The following WDR44 variants were observed in gnomAD, a reference collection of about 807,000 sequenced individuals.
WDR44 encodes WD repeat domain 44.
WDR44 carries 9 observed loss-of-function variants against 65.7 expected under a neutral mutation model. The ratio of observed to expected loss-of-function variants is 0.14; its 90% CI spans 0.08 to 0.24. The LOEUF (loss-of-function observed/expected upper bound fraction) is 0.24. WDR44 is among the 10% of genes least tolerant of loss of function. The probability of loss-of-function intolerance (pLI) is 1.00; values close to 1 mark genes in which losing one functional copy is unlikely to be tolerated. For missense variants in WDR44, 425 were observed against 670.9 expected (o/e 0.63, Z 4.05); for synonymous variants, 220 against 235.2 (o/e 0.94, Z 0.59).
chrX:118,368,425 G>C (rs1278646876), intron 1 of WDR44, among the ~76,000 whole-genome samples: 1 of 97,154 alleles, frequency 1.0e-5, no homozygotes, highest in Non-Finnish European at 2.0e-5. Context: ...CCAGAACAGT[G>C]TTTTGAAGCC....
In WDR44 at chrX:118,428,126, A is replaced by G. The variant is rs186855759; in HGVS notation, c.1738-4655A>G. Among the ~76,000 whole-genome samples the G allele has an allele frequency of 4.5e-3, 490 of 109,585 alleles. 3 individuals are homozygous for G. The highest frequency in any genetic ancestry group is 6.2e-3 in the Non-Finnish European group (326 of 52,494). On this transcript the variant is annotated intron_variant, in intron 12 of 19. Coordinates refer to ENST00000254029, the MANE Select transcript of WDR44 (RefSeq NM_019045.5). ...AACATGGTGAAATCCCATCTCTACT[A>G]AAAATACAAAAAGTAGCCAGGTATG...
chrX:118,441,298 G>A, intron 14 of WDR44, 70 bp from the exon 15 acceptor site: 3 of 985,619 alleles, frequency 3.0e-6, no homozygotes, highest in Non-Finnish European at 4.2e-6. Context: ...TAGACTTACT[G>A]ATTTGATTTG....
At chrX:118,412,094 A>T (rs1042387670) in intron 12 of WDR44, among the ~76,000 whole-genome samples, 6 of 112,244 alleles carry the variant, frequency 5.3e-5, no homozygotes, top group Admixed American at 4.7e-4. Context: ...AGTGTTAGGA[A>T]TAGTTTCCTG....
intron 1 of WDR44, among the ~76,000 whole-genome samples, chrX:118,358,796 G>A (rs1011057233): frequency 8.9e-6 from 1 of 111,904 alleles, no homozygotes; most frequent in Non-Finnish European, 1.9e-5. Flanking sequence ...AATATGGCCA[G>A]GCATGGTGTA....
At chrX:118,380,360 G>A (rs192463408) in intron 2 of WDR44, among the ~76,000 whole-genome samples, 4 of 111,551 alleles carry the variant, frequency 3.6e-5, no homozygotes, top group East Asian at 2.8e-4. Flanking sequence ...AAAGATCTCC[G>A]TTGTGCTACC....
At chrX:118,362,381 G>A (rs1931427663) in intron 1 of WDR44, among the ~76,000 whole-genome samples, 1 of 111,503 alleles carries the variant, frequency 9.0e-6, no homozygotes, top group African/African-American at 3.3e-5. Context: ...ACCTCATTTT[G>A]AACATGTTGA....
intron 1 of WDR44, among the ~76,000 whole-genome samples, chrX:118,375,187 T>C (rs1474111198): frequency 3.6e-5 from 4 of 110,956 alleles, no homozygotes; most frequent in Non-Finnish European, 7.6e-5. Flanking sequence ...TTTTTTTTTG[T>C]TTGTTTATTT....
At position 118,409,626 on chromosome X, in the gene WDR44, A is replaced by G. The variant is rs187322127; in HGVS notation, c.1671A>G (p.Glu557=). 8.5e-7 allele frequency: 1 copy of G among 1,179,848 alleles called. No homozygotes were observed. The highest frequency in any genetic ancestry group is 1.1e-6 in the Non-Finnish European group (1 of 882,559). The change falls in exon 11 of 20, where the codon GAA becomes GAG. Residue 557 remains glutamate, a splice_region_variant and synonymous_variant. Coordinates refer to ENST00000254029, the MANE Select transcript of WDR44 (RefSeq NM_019045.5). ...FNNMRMKYNT[E]GRVSPSPSQE... Reference sequence around the variant, plus strand: ...ATATGCGAATGAAATACAATACTGAAGGTATTTTTCATCTATTTAAAAATC... The same window carrying G: ...ATATGCGAATGAAATACAATACTGAGGGTATTTTTCATCTATTTAAAAATC...
chrX:118,407,086 C>A (rs1427175585), intron 10 of WDR44, 60 bp downstream of exon 10: 1 of 1,103,317 alleles, frequency 9.1e-7, no homozygotes, highest in South Asian at 2.2e-5. Flanking sequence ...AATACTTTGG[C>A]TTCTACAAAA....
chrX:118,374,055 A>G (rs948127842), intron 1 of WDR44, among the ~76,000 whole-genome samples: 1 of 110,459 alleles, frequency 9.1e-6, no homozygotes, highest in East Asian at 2.8e-4. Flanking sequence ...CGTCATCTAC[A>G]TTAGGTATTT....
In WDR44 at chrX:118,394,036, G is replaced by A. The variant is rs2056844623; in HGVS notation, c.827-19G>A. ...AACAAAAAGGGTTGTTATTATTGTT[G>A]TTATTATTATCATTGCAGTTCCCAA... On this transcript the variant is annotated intron_variant, in intron 4 of 19. Coordinates refer to ENST00000254029, the MANE Select transcript of WDR44 (RefSeq NM_019045.5). 8.4e-7 allele frequency: 1 copy of A among 1,193,815 alleles called. No homozygotes were observed. The highest frequency in any genetic ancestry group is 1.1e-6 in the Non-Finnish European group (1 of 881,192).
intron 8 of WDR44, among the ~76,000 whole-genome samples, chrX:118,399,692 CT>C (rs1474669557): frequency 5.4e-5 from 6 of 111,714 alleles, no homozygotes; most frequent in Non-Finnish European, 1.1e-4. Context: ...TTTTAAAACT[CT>C]GTTCAGTGTC....
intron 6 of WDR44, 126 bp downstream of exon 6, chrX:118,395,470 C>A: frequency 2.1e-6 from 1 of 479,835 alleles, no homozygotes. Flanking sequence ...TACTTAATGA[C>A]CCAGAACTAT....
At chrX:118,406,762 A>G in intron 9 of WDR44, 113 bp from the exon 10 acceptor site, 3 of 735,186 alleles carry the variant, frequency 4.1e-6, no homozygotes, top group Middle Eastern at 5.0e-4. Context: ...TATATAATAA[A>G]TAAATTTTGC....
chrX:118,386,360 A>T (rs1256395363), intron 2 of WDR44: 3 of 358,859 alleles, frequency 8.4e-6, no homozygotes, highest in Non-Finnish European at 1.6e-5. Flanking sequence ...TTTTACCCTA[A>T]TTTTTTCCAG....
Position 118,442,273 on chromosome X carries a change from C to T in WDR44, c.2196C>T (p.Val732=). Residue 732 remains valine, a synonymous_variant, in exon 16 of 20, where the codon GTC becomes GTT. Transcript: ENST00000254029. Reference sequence around the variant, plus strand: ...TGAAATACCATACACAAATACATGTCCGATCTACTAGAGGGCGCAACAAGG... The same window carrying T: ...TGAAATACCATACACAAATACATGTTCGATCTACTAGAGGGCGCAACAAGG... The part of the protein sequence containing the change: ...EHLKYHTQIH[V]RSTRGRNKVG... 1 of 1,209,634 alleles carries T rather than the reference C, an allele frequency of 8.3e-7. No homozygotes were observed. Among genetic ancestry groups the T allele is most frequent in the Non-Finnish European group, 1.1e-6 (1 of 893,815 alleles).
chrX:118,438,942 C>T (rs1308055285), intron 14 of WDR44, among the ~76,000 whole-genome samples: 1 of 107,072 alleles, frequency 9.3e-6, no homozygotes, highest in Non-Finnish European at 1.9e-5. Context: ...TGCACCACCA[C>T]ATCCAGCTAA....
chrX:118,350,919 A>T (rs759264330), intron 1 of WDR44, among the ~76,000 whole-genome samples: 2 of 111,613 alleles, frequency 1.8e-5, no homozygotes, highest in South Asian at 3.8e-4. Flanking sequence ...CACATTGCTA[A>T]TAAGGGCAGA....
chrX:118,388,695 T>A (rs568393937), intron 3 of WDR44, among the ~76,000 whole-genome samples: 128 of 111,982 alleles, frequency 1.1e-3, no homozygotes, highest in Non-Finnish European at 1.7e-3. Flanking sequence ...ACCATTTTTT[T>A]AAAAAAATAA....
Sources: allele counts gnomAD v4.1 joint callset (sites outside exome capture counted in the v4.1 genomes callset), GRCh38; gene constraint gnomAD v4.1.1; transcripts MANE v1.5; gene names NCBI Gene and HGNC (gene_info 2026-07-23, HGNC 2026-07-21).